ZHX3: variants seen among roughly 807,000 people sequenced by gnomAD.
The protein encoded by ZHX3 is zinc fingers and homeoboxes protein 3.
A neutral mutation model predicts 64.5 loss-of-function variants in ZHX3; 20 were observed. That is an observed-to-expected ratio of 0.31 (90% confidence interval 0.22 to 0.45). The LOEUF is 0.45. Among genes scored for constraint, ZHX3 ranks in the 20% least tolerant of loss-of-function variants. The probability of loss-of-function intolerance (pLI) is 1.00; values close to 1 mark genes in which losing one functional copy is unlikely to be tolerated. For missense variants in ZHX3, 1,041 were observed against 1,195.8 expected, an observed-to-expected ratio of 0.87 and a Z score of 1.91; for synonymous variants, 423 against 461.6, an observed-to-expected ratio of 0.92 and a Z score of 1.07.
chr20:41,304,870 A>T (rs2044928371), intron 1 of ZHX3, among the ~76,000 whole-genome samples: 1 of 152,266 alleles, frequency 6.6e-6, no homozygotes, highest in South Asian at 2.1e-4. Context: ...GTGAGATGTT[A>T]TTAAATGAGA....
chr20:41,215,822 G>A (rs1163013331), intron 2 of ZHX3, among the ~76,000 whole-genome samples: 2 of 150,588 alleles, frequency 1.3e-5, no homozygotes, highest in Non-Finnish European at 3.0e-5. Context: ...CATTATGGCG[G>A]GCGCCTGTAG....
At chr20:41,194,383 T>G (rs757813467) in intron 3 of ZHX3, among the ~76,000 whole-genome samples, 1 of 152,190 alleles carries the variant, frequency 6.6e-6, no homozygotes, top group East Asian at 1.9e-4. Context: ...TACATTGATA[T>G]TCATGTGCCA....
At position 41,180,387 on chromosome 20, in the gene ZHX3, G is replaced by A. The variant is rs41277002; in HGVS notation, c.*4804C>T. 426 of 152,476 alleles carry A rather than the reference G, an allele frequency of 2.8e-3. 3 individuals are homozygous for A. The highest frequency in any genetic ancestry group is 0.016 in the South Asian group (75 of 4,822). The allele number at this position is 152,476 out of a possible 1,614,324, so 9.4% of individuals were successfully genotyped here. A position where few individuals can be genotyped will look rare whatever the true frequency, so the allele number is the denominator to read the frequency against. ...CCTGTCCTTGTCCATATGGTAACCA[G>A]GGTCTGCCTAGTCTCATCCCCAGCC... On this transcript the variant is annotated 3_prime_UTR_variant, in exon 4 of 4. Transcript: ENST00000683867.
At chr20:41,315,404 G>C (rs887832116) in intron 1 of ZHX3, among the ~76,000 whole-genome samples, 1 of 146,748 alleles carries the variant, frequency 6.8e-6, no homozygotes, top group African/African-American at 2.5e-5. Flanking sequence ...CATGCTGGCC[G>C]GGCTGGTCTC....
In ZHX3 at chr20:41,212,144, T is replaced by C. The variant is rs2039202163; in HGVS notation, c.-150-7078A>G. 6.6e-6 allele frequency among the ~76,000 whole-genome samples: 1 copy of C among 152,242 alleles called. No homozygotes were observed. On this transcript the variant is annotated intron_variant, in intron 2 of 3. Coordinates refer to ENST00000683867, the MANE Select transcript of ZHX3 (RefSeq NM_001384317.1). This position sits in a 1 kb window ranked among gnomAD's most constrained non-coding sequence, Gnocchi z 4.3. ...AGAAAGAAAAGGTTTGCAAATCATCTATCTGGTAAAGTATATCCAGATTAT... is the reference window on the plus strand; with the variant it reads ...AGAAAGAAAAGGTTTGCAAATCATCCATCTGGTAAAGTATATCCAGATTAT...
chr20:41,264,319 A>C (rs2042716359), intron 2 of ZHX3, among the ~76,000 whole-genome samples: 1 of 148,116 alleles, frequency 6.8e-6, no homozygotes, highest in African/African-American at 2.5e-5. Context: ...AGGCGGGTGG[A>C]TCACGAGGTC....
chr20:41,223,467 C>A (rs186231017), intron 2 of ZHX3, among the ~76,000 whole-genome samples: 59 of 151,486 alleles, frequency 3.9e-4, no homozygotes, highest in Non-Finnish European at 7.2e-4. Context: ...AATGGAGTAA[C>A]ACACTTGTGA....
chr20:41,259,090 T>C (rs2042424461), intron 2 of ZHX3, among the ~76,000 whole-genome samples: 1 of 152,230 alleles, frequency 6.6e-6, no homozygotes, highest in African/African-American at 2.4e-5. Flanking sequence ...GATAATTTGA[T>C]GTATATTCCA....
chr20:41,204,170 G>C lies in ZHX3; in HGVS notation c.747C>G (p.Asn249Lys). ...VSQASASSAK[N>K]PHAANGPLIG... ...TCAGGGGCCCGTTGGCGGCATGGGG[G>C]TTTTTTGCAGAGCTGGCAGATGCCT... Residue 249 changes from asparagine to lysine, a missense_variant, in exon 3 of 4, where the codon AAC becomes AAG. By Grantham distance (94) the Asn-to-Lys change is moderately conservative. Transcript: ENST00000683867. This position sits in a 1 kb window ranked among gnomAD's most constrained non-coding sequence, Gnocchi z 6.6. 1 of 1,609,008 alleles carries C rather than the reference G, an allele frequency of 6.2e-7. No homozygotes were observed. Among genetic ancestry groups the C allele is most frequent in the South Asian group, 1.1e-5 (1 of 90,186 alleles).
chr20:41,233,028 CCT>C (rs1211707253), intron 2 of ZHX3, among the ~76,000 whole-genome samples: 1 of 152,220 alleles, frequency 6.6e-6, no homozygotes, highest in African/African-American at 2.4e-5. Flanking sequence ...TGCATTTCTC[CCT>C]GTTACCAGGA....
intron 2 of ZHX3, among the ~76,000 whole-genome samples, chr20:41,241,088 C>T (rs2041351371): frequency 6.6e-6 from 1 of 152,182 alleles, no homozygotes; most frequent in South Asian, 2.1e-4. Context: ...GAGGAACCTC[C>T]AAACTGTTCT....
intron 1 of ZHX3, chr20:41,299,981 A>G (rs985326566): frequency 2.0e-5 from 3 of 151,910 alleles, no homozygotes; most frequent in African/African-American, 7.3e-5. Flanking sequence ...CATATAGTGC[A>G]GTCTCCACCC....
At chr20:41,308,725 G>A (rs941206207) in intron 1 of ZHX3, among the ~76,000 whole-genome samples, 2 of 152,086 alleles carry the variant, frequency 1.3e-5, no homozygotes, top group Admixed American at 6.5e-5. Context: ...TTTTCCCAGG[G>A]AAAATAGGGA....
chr20:41,241,932 C>A (rs1046134241), intron 2 of ZHX3, among the ~76,000 whole-genome samples: 2 of 152,134 alleles, frequency 1.3e-5, no homozygotes, highest in Non-Finnish European at 1.5e-5. Context: ...ACTTTAAAAT[C>A]ATGACCTCTA....
At chr20:41,246,747 C>T (rs2041708812) in intron 2 of ZHX3, among the ~76,000 whole-genome samples, 1 of 151,746 alleles carries the variant, frequency 6.6e-6, no homozygotes, top group Non-Finnish European at 1.5e-5. Flanking sequence ...GTGGCACATG[C>T]CTGTAATCCC....
intron 1 of ZHX3, among the ~76,000 whole-genome samples, chr20:41,301,915 G>A (rs1008415660): frequency 2.7e-5 from 4 of 150,766 alleles, no homozygotes; most frequent in Admixed American, 6.6e-5. Flanking sequence ...TTAGCCGGGC[G>A]TAGTGGCGGG....
intron 2 of ZHX3, among the ~76,000 whole-genome samples, chr20:41,233,266 C>T (rs2040748833): frequency 6.6e-6 from 1 of 152,192 alleles, no homozygotes; most frequent in African/African-American, 2.4e-5. Flanking sequence ...TGGGGGTGTT[C>T]CCTTAGACAT....
rs114311270 is a variant in ZHX3 at position 41,217,290 on chromosome 20, A to C, written c.-150-12224T>G. Among the ~76,000 whole-genome samples the C allele has an allele frequency of 4.0e-3, 612 of 152,262 alleles. 6 individuals carry two copies. The highest frequency in any genetic ancestry group is 0.031 in the Middle Eastern group (9 of 294). ...GGAAAAACCCAACCCCCTAGAAAAA[A>C]ATGAGGGATGGGTAGAAATACATGA... is the stretch of plus-strand genomic sequence containing the variant. On this transcript the variant is annotated intron_variant, in intron 2 of 3. Coordinates refer to ENST00000683867, the MANE Select transcript of ZHX3 (RefSeq NM_001384317.1).
intron 2 of ZHX3, among the ~76,000 whole-genome samples, chr20:41,214,705 G>A (rs1006409272): frequency 3.3e-5 from 5 of 152,136 alleles, no homozygotes; most frequent in Non-Finnish European, 5.9e-5. Context: ...GGTTAAAAAT[G>A]GTGCTTAAAC....
Sources: gnomAD v4.1 joint callset for allele counts (sites outside exome capture counted in the v4.1 genomes callset) on GRCh38, gnomAD v4.1.1 for gene constraint, Gnocchi (gnomAD v3.1) non-coding constraint, MANE v1.5 for transcripts, NCBI Gene and HGNC (gene_info 2026-07-23, HGNC 2026-07-21) for gene names.